RGR: variants seen among roughly 807,000 people sequenced by gnomAD.
RGR encodes retinal G protein coupled receptor.
Under a neutral mutation model 28.6 loss-of-function variants are expected in RGR, and 30 were observed. That is an observed-to-expected ratio of 1.05 (90% CI 0.78 to 1.42). The LOEUF is 1.42. Ranked by LOEUF, RGR falls within the 40% of genes most tolerant of loss-of-function variation. The probability of loss-of-function intolerance (pLI) is 0.00; values close to 1 mark genes in which losing one functional copy is unlikely to be tolerated. For synonymous variants in RGR, 180 were observed against 156.4 expected (o/e 1.15, Z -1.13); for missense variants, 404 against 375.6 (o/e 1.08, Z -0.62).
intron 4 of RGR, among the ~76,000 whole-genome samples, chr10:84,254,050 A>T (rs947773988): frequency 3.3e-5 from 5 of 152,222 alleles, no homozygotes; most frequent in Non-Finnish European, 4.4e-5. Flanking sequence ...CATTGGGTGA[A>T]CATGTTTCCC....
At chr10:84,253,145 C>A in intron 4 of RGR, 135 bp downstream of exon 4, 1 of 1,017,212 alleles carries the variant, frequency 9.8e-7, no homozygotes, top group Non-Finnish European at 1.4e-6. Flanking sequence ...ACTTCTTAAT[C>A]ATGATACCCA....
At chr10:84,250,854 G>A (rs1842807890) in intron 3 of RGR, 2 of 156,044 alleles carry the variant, frequency 1.3e-5, no homozygotes, top group East Asian at 1.8e-4. Flanking sequence ...GTTGCAGTGA[G>A]CTGAGATGGC....
chr10:84,254,211 G>C (rs1047612167), intron 4 of RGR, 115 bp from the exon 5 acceptor site: 3 of 911,810 alleles, frequency 3.3e-6, no homozygotes, highest in South Asian at 1.3e-5. Flanking sequence ...CTGCGAGCTT[G>C]TCTGAATGGG....
intron 2 of RGR, 92 bp downstream of exon 2, chr10:84,247,839 T>C (rs1176106171): frequency 1.9e-6 from 3 of 1,587,444 alleles, no homozygotes; most frequent in Admixed American, 1.7e-5. Context: ...GCATTTTTAC[T>C]ACTTACAGAA....
chr10:84,258,721 A>G lies in RGR; in HGVS notation c.*82A>G. 1 of 1,594,766 alleles carries G rather than the reference A, an allele frequency of 6.3e-7. No individual in the cohort carries two copies. The highest frequency in any genetic ancestry group is 8.5e-7 in the Non-Finnish European group (1 of 1,169,604). ...GCAGCCTCAGTGGCCAAGCCCAGAC[A>G]CTCACCCACCTTCCCCAGTGGCCCC... On this transcript the variant is annotated 3_prime_UTR_variant, in exon 7 of 7. Transcript: ENST00000652092.
intron 4 of RGR, among the ~76,000 whole-genome samples, chr10:84,253,448 C>G (rs1016053424): frequency 6.6e-6 from 1 of 152,190 alleles, no homozygotes; most frequent in African/African-American, 2.4e-5. Context: ...CCTGAGCATA[C>G]GCTATGAGGC....
At chr10:84,255,438 C>T (rs192273344) in intron 5 of RGR, 18 of 152,308 alleles carry the variant, frequency 1.2e-4, no homozygotes, top group Admixed American at 7.8e-4. Flanking sequence ...ACTTTTAAAC[C>T]GCTTTGAGAT....
chr10:84,249,313 A>C (rs887018628), intron 3 of RGR, among the ~76,000 whole-genome samples: 6 of 152,098 alleles, frequency 3.9e-5, no homozygotes, highest in Non-Finnish European at 7.4e-5. Context: ...CCTCTGCGAA[A>C]TGATTTTCTT....
At position 84,258,828 on chromosome 10, in the gene RGR, G is replaced by A; in HGVS notation, c.*189G>A. 2.6e-6 allele frequency: 2 copies of A among 761,166 alleles called. No individual in the cohort carries two copies. The highest frequency in any genetic ancestry group is 4.3e-6 in the Non-Finnish European group (2 of 460,064). 47.2% of individuals were successfully genotyped at this position (761,166 alleles called of 1,614,324 possible). A position where few individuals can be genotyped will look rare whatever the true frequency, so the allele number is the denominator to read the frequency against. On this transcript the variant is annotated 3_prime_UTR_variant, in exon 7 of 7. Coordinates refer to ENST00000652092, the MANE Select transcript of RGR (RefSeq NM_001012720.2). The stretch of plus-strand genomic sequence containing the variant: ...AAGAGCCAGATGGACCTGAGTGTCG[G>A]TCACAGCCCCCTACACTCAAGGCTG...
chr10:84,245,194 C>T (rs765236584), intron 1 of RGR, 25 bp downstream of exon 1: 5 of 1,608,140 alleles, frequency 3.1e-6, no homozygotes, highest in Middle Eastern at 2.0e-4. Context: ...ACCTGGGGTG[C>T]AGCGGGGGCC....
intron 5 of RGR, among the ~76,000 whole-genome samples, chr10:84,256,612 A>G (rs1415646612): frequency 6.6e-6 from 1 of 152,056 alleles, no homozygotes; most frequent in African/African-American, 2.4e-5. Context: ...CCCCGAGGTC[A>G]GAAGGAGAGA....
In RGR at chr10:84,245,184, A is replaced by G; in HGVS notation, c.79+15A>G. On this transcript the variant is annotated intron_variant, in intron 1 of 6. Transcript: ENST00000652092. ...ACTGGTGGAAGGTGAGCCAGGCAGA[A>G]CCTGGGGTGCAGCGGGGGCCCAGTG... 6.2e-7 allele frequency: 1 copy of G among 1,611,106 alleles called. No homozygotes were observed. The highest frequency in any genetic ancestry group is 8.5e-7 in the Non-Finnish European group (1 of 1,178,672).
chr10:84,250,440 G>T (rs1842801624), intron 3 of RGR: 2 of 716,522 alleles, frequency 2.8e-6, no homozygotes, highest in Non-Finnish European at 2.6e-6. Context: ...TAGCCCTCTT[G>T]TCCACTTGGC....
chr10:84,247,917 C>G, intron 2 of RGR, 170 bp downstream of exon 2: 1 of 957,414 alleles, frequency 1.0e-6, no homozygotes, highest in Middle Eastern at 3.1e-4. Flanking sequence ...TGAAGAACGA[C>G]AGCTGATTTC....
At chr10:84,248,854 G>A (rs1439359315) in intron 2 of RGR, 68 bp from the exon 3 acceptor site, 1 of 1,613,688 alleles carries the variant, frequency 6.2e-7, no homozygotes, top group Non-Finnish European at 8.5e-7. Context: ...ACTCCAAGCT[G>A]TACTTGGCAG....
At chr10:84,258,433 CG>C (rs1303812410) in intron 6 of RGR, 74 bp from the exon 7 acceptor site, 2 of 1,610,756 alleles carry the variant, frequency 1.2e-6, no homozygotes, top group Non-Finnish European at 1.7e-6. Flanking sequence ...GGAGGGTGAC[CG>C]GGGTCACCAG....
chr10:84,247,621 C>T lies in RGR; in HGVS notation c.110C>T (p.Thr37Ile), dbSNP rs774849552. ...ALSGLSLNTLTIFSFCKTPEL... is the reference protein window; with the variant it reads ...ALSGLSLNTLIIFSFCKTPEL... ...TCCGGTCTCAGCCTCAATACCCTGACCATCTTCTCTTTCTGCAAGACCCCG... is the reference window on the plus strand; with the variant it reads ...TCCGGTCTCAGCCTCAATACCCTGATCATCTTCTCTTTCTGCAAGACCCCG... The change falls in exon 2 of 7, where the codon ACC (threonine) becomes ATC (isoleucine). Residue 37 changes from threonine (T) to isoleucine (I), a missense_variant. Physicochemically the swap from Thr to Ile is moderately conservative, Grantham distance 89 (BLOSUM62 -1). Coordinates refer to ENST00000652092, the MANE Select transcript of RGR (RefSeq NM_001012720.2). The T allele has an allele frequency of 2.2e-5, 35 of 1,614,084 alleles. 1 individual carries two copies. The Admixed American group carries it at 4.3e-4, about 20-fold the overall frequency.
chr10:84,250,926 A>AT (rs1487436547), intron 3 of RGR: 1 of 122,646 alleles, frequency 8.2e-6, no homozygotes, highest in Admixed American at 8.4e-5. Context: ...AAAAAAAAAA[A>AT]AGAAGAAGAA....
chr10:84,258,114 C>A, intron 6 of RGR, 108 bp downstream of exon 6: 3 of 1,031,906 alleles, frequency 2.9e-6, no homozygotes, highest in Non-Finnish European at 4.4e-6. Flanking sequence ...CTCTTCCTTT[C>A]TGTGTTTCTT....
Sources: gnomAD v4.1 joint callset for allele counts (sites outside exome capture counted in the v4.1 genomes callset) on GRCh38, gnomAD v4.1.1 for gene constraint, MANE v1.5 for transcripts, NCBI Gene and HGNC (gene_info 2026-07-23, HGNC 2026-07-21) for gene names.